The following ATP9B variants were observed in gnomAD, a reference collection of about 807,000 sequenced individuals.
ATP9B encodes the protein probable phospholipid-transporting ATPase IIB.
Under a neutral mutation model 146.1 loss-of-function variants are expected in ATP9B, and 110 were observed. That is an observed-to-expected ratio of 0.75 (90% CI 0.65 to 0.88). The LOEUF (loss-of-function observed/expected upper bound fraction) is 0.88, where lower values mean the gene tolerates loss of function less well. Ranked by LOEUF, ATP9B falls within the 40% of genes least tolerant of loss-of-function variation. The pLI is 0.00. For missense variants in ATP9B, 1,499 were observed against 1,496.4 expected, an observed-to-expected ratio of 1.00 and a Z score of -0.03; for synonymous variants, 604 against 569.7, an observed-to-expected ratio of 1.06 and a Z score of -0.86.
At chr18:79,234,192 A>G (rs1207121510) in intron 11 of ATP9B, among the ~76,000 whole-genome samples, 1 of 152,216 alleles carries the variant, frequency 6.6e-6, no homozygotes, top group East Asian at 1.9e-4. Context: ...TATAGAGGGC[A>G]GTTTATTTAG....
chr18:79,179,617 A>G (rs1162422667), intron 8 of ATP9B, among the ~76,000 whole-genome samples: 3 of 152,084 alleles, frequency 2.0e-5, no homozygotes, highest in African/African-American at 7.2e-5. Flanking sequence ...AATGTCTGGT[A>G]ATTTATTGTT....
intron 7 of ATP9B, among the ~76,000 whole-genome samples, chr18:79,165,088 C>G (rs1465263219): frequency 6.6e-6 from 1 of 152,248 alleles, no homozygotes; most frequent in East Asian, 1.9e-4. Context: ...GTATATGACA[C>G]TCATGACAGG....
chr18:79,225,749 A>G (rs2095725395), intron 11 of ATP9B, among the ~76,000 whole-genome samples: 1 of 133,482 alleles, frequency 7.5e-6, no homozygotes, highest in South Asian at 2.3e-4. Context: ...TGGGTCCCGC[A>G]GTCGCAGGGC....
intron 25 of ATP9B, among the ~76,000 whole-genome samples, chr18:79,351,580 A>G (rs112390370): frequency 0.022 from 3,342 of 152,322 alleles, 59 homozygotes; most frequent in Middle Eastern, 0.054. Flanking sequence ...AACTAGAACA[A>G]AATCATGTCT....
chr18:79,213,899 A>T, intron 10 of ATP9B, 63 bp from the exon 11 acceptor site: 1 of 1,170,690 alleles, frequency 8.5e-7, no homozygotes, highest in South Asian at 1.5e-5. Flanking sequence ...AATTAATTAG[A>T]AAGTGTTATC....
At chr18:79,366,677 A>G (rs911899053) in intron 26 of ATP9B, among the ~76,000 whole-genome samples, 1 of 152,200 alleles carries the variant, frequency 6.6e-6, no homozygotes, top group Non-Finnish European at 1.5e-5. Flanking sequence ...TAGGCCATAC[A>G]CCGAGTGGCT....
At position 79,330,007 on chromosome 18, in the gene ATP9B, G is replaced by A. The variant is rs2096781613; in HGVS notation, c.1936-5G>A. On this transcript the variant is annotated splice_region_variant and splice_polypyrimidine_tract_variant and intron_variant, in intron 16 of 29. Transcript: ENST00000426216. ...GTGCCTCTGTTTATTTTTGTTCTTTGATAGGATGAATCCACGGCAGAAATC... is the reference window on the plus strand; with the variant it reads ...GTGCCTCTGTTTATTTTTGTTCTTTAATAGGATGAATCCACGGCAGAAATC... 6.2e-7 allele frequency: 1 copy of A among 1,613,542 alleles called. No individual in the cohort carries two copies. The highest frequency in any genetic ancestry group is 1.7e-5 in the Admixed American group (1 of 59,998).
At chr18:79,369,570 T>C (rs1039862688) in intron 26 of ATP9B, among the ~76,000 whole-genome samples, 2 of 146,568 alleles carry the variant, frequency 1.4e-5, no homozygotes, top group African/African-American at 2.5e-5. Context: ...GAACGTATAC[T>C]GAGGAGGTAG....
chr18:79,163,909 G>A (rs2094924142), intron 7 of ATP9B, among the ~76,000 whole-genome samples: 1 of 115,332 alleles, frequency 8.7e-6, no homozygotes, highest in Non-Finnish European at 1.8e-5. Context: ...CACACACAGG[G>A]GGAGACAGAG....
chr18:79,259,133 G>C (rs2096114449), intron 12 of ATP9B, among the ~76,000 whole-genome samples: 1 of 152,142 alleles, frequency 6.6e-6, no homozygotes, highest in African/African-American at 2.4e-5. Context: ...AAAATATTTT[G>C]AGCTACTTGA....
chr18:79,143,430 ATTAAC>A (rs2094538403), intron 5 of ATP9B, among the ~76,000 whole-genome samples: 2 of 152,192 alleles, frequency 1.3e-5, no homozygotes, highest in African/African-American at 4.8e-5. Flanking sequence ...CATTTATGAT[ATTAAC>A]TTAAGGATTT....
At chr18:79,181,991 C>G (rs1007234257) in intron 8 of ATP9B, among the ~76,000 whole-genome samples, 1 of 152,174 alleles carries the variant, frequency 6.6e-6, no homozygotes, top group Non-Finnish European at 1.5e-5. Context: ...ATAAGTGTTA[C>G]ATTTAATGTC....
chr18:79,347,843 TGCACG>T lies in ATP9B; in HGVS notation c.2758_2762del (p.His920AlafsTer117). On this transcript the variant is annotated frameshift_variant, in exon 24 of 30. Coordinates refer to ENST00000426216, the MANE Select transcript of ATP9B (RefSeq NM_198531.5). LOFTEE classifies it high-confidence loss of function. ...CGGCACATAGGCAGGCTGCTCATGG[TGCACG>T]GGCGGAACAGCTACAAGAGGTCGGC... The T allele has an allele frequency of 6.2e-7, 1 of 1,613,826 alleles. No individual in the cohort carries two copies. Among genetic ancestry groups the T allele is most frequent in the East Asian group, 2.2e-5 (1 of 44,864 alleles).
In ATP9B at chr18:79,330,014, T is replaced by A. The variant is rs762210913; in HGVS notation, c.1938T>A (p.Asp646Glu). The A allele has an allele frequency of 3.7e-6, 6 of 1,613,832 alleles. No individual in the cohort carries two copies. In the Admixed American group the frequency reaches 5.0e-5, roughly 13 times the overall value. ...TGTTTATTTTTGTTCTTTGATAGGATGAATCCACGGCAGAAATCACATTCT... is the reference window on the plus strand; with the variant it reads ...TGTTTATTTTTGTTCTTTGATAGGAAGAATCCACGGCAGAAATCACATTCT... ...ESKRMGVIVRDESTAEITFYM... is the reference protein window; with the variant it reads ...ESKRMGVIVREESTAEITFYM... The change falls in exon 17 of 30, where the codon GAT becomes GAA. Residue 646 changes from aspartate to glutamate, a missense_variant and splice_region_variant. Physicochemically the swap from Asp to Glu is conservative, Grantham distance 45. Transcript: ENST00000426216.
rs566973081 is a variant in ATP9B, at chr18:79,188,099, A to G, written c.874-5084A>G. On this transcript the variant is annotated intron_variant, in intron 8 of 29. Coordinates refer to ENST00000426216, the MANE Select transcript of ATP9B (RefSeq NM_198531.5). ...TGCGTGTGTAGAATCAACAGGAAAG[A>G]GAAAGCCCGGTGCAAATGTAAAAGC... Among the ~76,000 whole-genome samples, 12 of 152,266 alleles carry G rather than the reference A, an allele frequency of 7.9e-5. No homozygotes were observed. In the South Asian group the frequency reaches 2.5e-3, roughly 32 times the overall value.
intron 8 of ATP9B, among the ~76,000 whole-genome samples, chr18:79,186,506 G>A (rs1258335216): frequency 2.6e-5 from 4 of 151,902 alleles, no homozygotes; most frequent in Admixed American, 2.0e-4. Context: ...TTATTTTCAT[G>A]TATCAAAAAG....
At chr18:79,096,341 G>A in intron 1 of ATP9B, 135 bp from the exon 2 acceptor site, 2 of 792,690 alleles carry the variant, frequency 2.5e-6, no homozygotes, top group African/African-American at 1.8e-5. Context: ...AAAGAAAGCA[G>A]CCTCTGCAGT....
chr18:79,133,508 A>AACACACACACACACACACAC (rs370697424), intron 5 of ATP9B, among the ~76,000 whole-genome samples: 2 of 147,786 alleles, frequency 1.4e-5, no homozygotes, highest in African/African-American at 5.0e-5. Context: ...AGTGGTTATA[A>AACACACACACACACACACAC]ACACACACAC....
chr18:79,345,886 T>G (rs1225330928), intron 23 of ATP9B, 47 bp downstream of exon 23: 1 of 1,597,072 alleles, frequency 6.3e-7, no homozygotes, highest in Non-Finnish European at 8.6e-7. Flanking sequence ...TCAGCACACA[T>G]CAACACGACT....
Sources: gnomAD v4.1 joint callset for allele counts (sites outside exome capture counted in the v4.1 genomes callset) on GRCh38, gnomAD v4.1.1 for gene constraint, MANE v1.5 for transcripts, NCBI Gene and HGNC (gene_info 2026-07-23, HGNC 2026-07-21) for gene names.